Variants in KCNB2 observed in about 807,000 individuals in gnomAD.
The protein encoded by KCNB2 is delayed rectifier potassium channel protein.
A neutral mutation model predicts 61.5 loss-of-function variants in KCNB2; 15 were observed. That is an observed-to-expected ratio of 0.24 (90% CI 0.16 to 0.38). The LOEUF (loss-of-function observed/expected upper bound fraction) is 0.38, where lower values mean the gene tolerates loss of function less well. Ranked by LOEUF, KCNB2 falls within the 10% of genes least tolerant of loss-of-function variation. The pLI, the probability that KCNB2 is intolerant of heterozygous loss-of-function variation, is 1.00. For synonymous variants in KCNB2, 457 were observed against 446.0 expected, an observed-to-expected ratio of 1.02 and a Z score of -0.31; for missense variants, 828 against 1,125.2, an observed-to-expected ratio of 0.74 and a Z score of 3.78.
chr8:72,721,323 G>T (rs544590576), intron 2 of KCNB2, among the ~76,000 whole-genome samples: 1 of 152,324 alleles, frequency 6.6e-6, no homozygotes, highest in South Asian at 2.1e-4. Flanking sequence ...CTGCTGAATG[G>T]TGATAATGTG....
intron 1 of KCNB2, among the ~76,000 whole-genome samples, chr8:72,548,207 G>C (rs1050644046): frequency 6.6e-6 from 1 of 152,078 alleles, no homozygotes; most frequent in South Asian, 2.1e-4. Context: ...TCTGTAACTT[G>C]CCTTATTGAG....
intron 2 of KCNB2, among the ~76,000 whole-genome samples, chr8:72,798,052 G>A (rs1000180364): frequency 5.9e-5 from 9 of 152,010 alleles, no homozygotes; most frequent in Admixed American, 3.9e-4. Context: ...TTCCTTCAAA[G>A]TATTTTCATC....
At chr8:72,599,388 C>T (rs536285837) in intron 2 of KCNB2, among the ~76,000 whole-genome samples, 8 of 152,320 alleles carry the variant, frequency 5.3e-5, no homozygotes, top group Non-Finnish European at 1.0e-4. Flanking sequence ...GGAAAACTGA[C>T]TAGCCATATA....
At chr8:72,845,700 C>T (rs910297597) in intron 2 of KCNB2, among the ~76,000 whole-genome samples, 4 of 152,200 alleles carry the variant, frequency 2.6e-5, no homozygotes, top group African/African-American at 9.6e-5. Flanking sequence ...CAGTGGGCTT[C>T]GCCCGGTTCG....
rs1189336093 is a variant in KCNB2 at position 72,561,727 on chromosome 8, A to ATG, written c.-93-5914_-93-5913insGT. 7.1e-3 allele frequency among the ~76,000 whole-genome samples: 251 copies of ATG among 35,258 alleles called. 13 individuals carry two copies. The highest frequency in any genetic ancestry group is 0.04 in the South Asian group (46 of 1,136). 23.1% of individuals were successfully genotyped at this position (35,258 alleles called of 152,430 possible). On this transcript the variant is annotated intron_variant, in intron 1 of 2. Coordinates refer to ENST00000523207, the MANE Select transcript of KCNB2 (RefSeq NM_004770.3). ...TATATATATATATATATATATATAT[A>ATG]TCTATATCTATATATATATGTATAT...
At chr8:72,786,352 G>T (rs1213792861) in intron 2 of KCNB2, among the ~76,000 whole-genome samples, 1 of 152,068 alleles carries the variant, frequency 6.6e-6, no homozygotes, top group Admixed American at 6.6e-5. Context: ...GCCCAGCAAA[G>T]GTTGTTCGGT....
intron 2 of KCNB2, among the ~76,000 whole-genome samples, chr8:72,779,335 A>G (rs1808717058): frequency 6.6e-6 from 1 of 152,208 alleles, no homozygotes; most frequent in Non-Finnish European, 1.5e-5. Context: ...ATAGCAACAA[A>G]GGATAAAACT....
intron 2 of KCNB2, among the ~76,000 whole-genome samples, chr8:72,929,998 G>A (rs1806744647): frequency 7.7e-6 from 1 of 130,488 alleles, no homozygotes; most frequent in Admixed American, 9.7e-5. Flanking sequence ...CCCTTCCTGT[G>A]TCCCTGTGTT....
chr8:72,754,634 G>A (rs758151153), intron 2 of KCNB2, among the ~76,000 whole-genome samples: 1 of 152,140 alleles, frequency 6.6e-6, no homozygotes, highest in Non-Finnish European at 1.5e-5. Context: ...TTAGACTTGA[G>A]TAAAATTTAT....
At position 72,935,989 on chromosome 8, in the gene KCNB2, C is replaced by G; in HGVS notation, c.634C>G (p.Leu212Val). The change falls in exon 3 of 3, where the codon CTC becomes GTC. Residue 212 changes from leucine (L) to valine (V), a missense_variant. Coordinates refer to ENST00000523207, the MANE Select transcript of KCNB2 (RefSeq NM_004770.3). ...FIVLSTIALSLNTLPELQETD... is the reference protein window; with the variant it reads ...FIVLSTIALSVNTLPELQETD... Reference sequence around the variant, plus strand: ...TGTGCTTTCCACCATTGCTTTGTCTCTCAATACGCTGCCGGAGCTGCAGGA... The same window carrying G: ...TGTGCTTTCCACCATTGCTTTGTCTGTCAATACGCTGCCGGAGCTGCAGGA... 1 of 1,614,202 alleles carries G rather than the reference C, an allele frequency of 6.2e-7. No individual in the cohort carries two copies. The highest frequency in any genetic ancestry group is 8.5e-7 in the Non-Finnish European group (1 of 1,180,026).
At chr8:72,763,217 A>G (rs1280794404) in intron 2 of KCNB2, among the ~76,000 whole-genome samples, 1 of 152,080 alleles carries the variant, frequency 6.6e-6, no homozygotes, top group East Asian at 1.9e-4. Context: ...AAGACTCTGG[A>G]GCAGTGCACA....
chr8:72,716,790 A>G (rs1262679195), intron 2 of KCNB2, among the ~76,000 whole-genome samples: 3 of 152,094 alleles, frequency 2.0e-5, no homozygotes, highest in Admixed American at 6.5e-5. Flanking sequence ...CCTATTCAAC[A>G]TAGTGTTGGA....
intron 2 of KCNB2, among the ~76,000 whole-genome samples, chr8:72,715,808 G>A (rs1408527758): frequency 1.3e-5 from 2 of 152,064 alleles, no homozygotes; most frequent in African/African-American, 2.4e-5. Flanking sequence ...AAATAACTAA[G>A]ATCAGAGCAG....
intron 2 of KCNB2, among the ~76,000 whole-genome samples, chr8:72,608,931 G>T (rs1369891728): frequency 6.6e-6 from 1 of 152,140 alleles, no homozygotes; most frequent in African/African-American, 2.4e-5. Flanking sequence ...GAGTTAAGAT[G>T]TTCAAACAAG....
chr8:72,723,678 C>A (rs953166021), intron 2 of KCNB2, among the ~76,000 whole-genome samples: 1 of 152,178 alleles, frequency 6.6e-6, no homozygotes, highest in Non-Finnish European at 1.5e-5. Flanking sequence ...AGAATTGCTT[C>A]CCTTACTCTC....
In KCNB2 at chr8:72,552,974, T is replaced by C. The variant is rs185557651; in HGVS notation, c.-93-14668T>C. 1.9e-3 allele frequency among the ~76,000 whole-genome samples: 283 copies of C among 152,288 alleles called. 1 individual carries two copies. Among genetic ancestry groups the C allele is most frequent in the African/African-American group, 5.2e-3 (216 of 41,568 alleles). On this transcript the variant is annotated intron_variant, in intron 1 of 2. Transcript: ENST00000523207. ...GACAAAGATACAACACTGTGTCCTT[T>C]AACAAGTTCCTTTTCTTTTGCACGT... is the stretch of plus-strand genomic sequence containing the variant.
rs1004288936 is a variant in KCNB2 at position 72,765,502 on chromosome 8, G to C, written c.580-170433G>C. Among the ~76,000 whole-genome samples the C allele has an allele frequency of 3.3e-5, 5 of 152,098 alleles. No individual in the cohort carries two copies. In the East Asian group the frequency reaches 7.7e-4, roughly 23 times the overall value. On this transcript the variant is annotated intron_variant, in intron 2 of 2. Transcript: ENST00000523207. Reference sequence around the variant, plus strand: ...ATATCCAAATCTTTATCTCTGAGAGGCTCCTCAGTTTTAACCTCTTTCACA... The same window carrying C: ...ATATCCAAATCTTTATCTCTGAGAGCCTCCTCAGTTTTAACCTCTTTCACA...
At chr8:72,591,952 T>A (rs796243895) in intron 2 of KCNB2, among the ~76,000 whole-genome samples, 36 of 152,290 alleles carry the variant, frequency 2.4e-4, no homozygotes, top group African/African-American at 8.4e-4. Flanking sequence ...CTAGATAATC[T>A]CTTGAAATGA....
chr8:72,669,968 G>A (rs569163265), intron 2 of KCNB2, among the ~76,000 whole-genome samples: 2 of 152,146 alleles, frequency 1.3e-5, no homozygotes, highest in Non-Finnish European at 2.9e-5. Context: ...CACCTGCCAG[G>A]CATGAGGAGA....
Sources: gnomAD v4.1 joint callset for allele counts (sites outside exome capture counted in the v4.1 genomes callset) on GRCh38, gnomAD v4.1.1 for gene constraint, MANE v1.5 for transcripts, NCBI Gene and HGNC (gene_info 2026-07-23, HGNC 2026-07-21) for gene names.